The following PALLD variants were observed in gnomAD, a reference collection of about 807,000 sequenced individuals.
The protein encoded by PALLD is palladin.
In PALLD, 61 loss-of-function variants were observed where a neutral mutation model predicts 123.5. The ratio of observed to expected loss-of-function variants is 0.49; its 90% CI spans 0.40 to 0.61. The LOEUF (loss-of-function observed/expected upper bound fraction) is 0.61, where lower values mean the gene tolerates loss of function less well. PALLD is among the 20% of genes least tolerant of loss of function. PALLD has a pLI of 0.00. For synonymous variants in PALLD, 465 were observed against 496.4 expected (o/e 0.94, Z 0.84); for missense variants, 1,273 against 1,377.0 (o/e 0.92, Z 1.20).
At chr4:168,715,651 CA>C (rs889779091) in intron 10 of PALLD, among the ~76,000 whole-genome samples, 18 of 152,016 alleles carry the variant, frequency 1.2e-4, no homozygotes, top group African/African-American at 4.1e-4. Context: ...TTATTCCTAC[CA>C]AAAAAACGGT....
intron 10 of PALLD, among the ~76,000 whole-genome samples, chr4:168,856,461 C>T (rs1174884506): frequency 6.6e-6 from 1 of 152,196 alleles, no homozygotes; most frequent in East Asian, 1.9e-4. Context: ...TACATTCCCA[C>T]CAACAATGTA....
chr4:168,668,309 C>T lies in PALLD; in HGVS notation c.1028C>T (p.Thr343Ile), dbSNP rs1200827421. Reference sequence around the variant, plus strand: ...TTTGAGGACGACACAGGTCGCTACACCTGTTTGGCTACGAATCCCAGCGGC... The same window carrying T: ...TTTGAGGACGACACAGGTCGCTACATCTGTTTGGCTACGAATCCCAGCGGC... ...EAFEDDTGRY[T>I]CLATNPSGSD... The change falls in exon 3 of 22, where the codon ACC (threonine) becomes ATC (isoleucine). Residue 343 changes from threonine (T) to isoleucine (I), a missense_variant. Physicochemically the swap from Thr to Ile is moderately conservative, Grantham distance 89 (BLOSUM62 -1). Coordinates refer to ENST00000505667, the MANE Select transcript of PALLD (RefSeq NM_001166108.2). 1 of 1,613,350 alleles carries T rather than the reference C, an allele frequency of 6.2e-7. No homozygotes were observed. The highest frequency in any genetic ancestry group is 8.5e-7 in the Non-Finnish European group (1 of 1,179,454).
intron 10 of PALLD, among the ~76,000 whole-genome samples, chr4:168,822,022 G>A (rs1742797527): frequency 6.6e-6 from 1 of 151,990 alleles, no homozygotes; most frequent in African/African-American, 2.4e-5. Flanking sequence ...TGGTGGGCTG[G>A]CCTGAGGCCT....
At chr4:168,704,146 T>G (rs1783988390) in intron 8 of PALLD, among the ~76,000 whole-genome samples, 1 of 151,550 alleles carries the variant, frequency 6.6e-6, no homozygotes, top group Admixed American at 6.6e-5. Context: ...GATTCCCTAT[T>G]TAATAAATGG....
intron 2 of PALLD, among the ~76,000 whole-genome samples, chr4:168,538,600 A>G (rs1342865758): frequency 6.6e-6 from 1 of 152,140 alleles, no homozygotes; most frequent in East Asian, 1.9e-4. Context: ...TCCAGAAGAG[A>G]CACAATTGTA....
chr4:168,750,476 G>T (rs1365670436), intron 10 of PALLD, among the ~76,000 whole-genome samples: 1 of 152,232 alleles, frequency 6.6e-6, no homozygotes, highest in East Asian at 1.9e-4. Context: ...AAGGCCAGGG[G>T]ATTCTACAAA....
At chr4:168,595,416 G>T (rs965349771) in intron 2 of PALLD, among the ~76,000 whole-genome samples, 1 of 152,062 alleles carries the variant, frequency 6.6e-6, no homozygotes, top group Non-Finnish European at 1.5e-5. Context: ...TGGGGCCCAG[G>T]GGTCTTCTTT....
chr4:168,786,680 TA>T (rs1157965233), intron 10 of PALLD, among the ~76,000 whole-genome samples: 1 of 152,202 alleles, frequency 6.6e-6, no homozygotes, highest in Non-Finnish European at 1.5e-5. Context: ...AAAAAATACA[TA>T]TATGTTTATG....
At chr4:168,813,726 CT>C (rs1405705760) in intron 10 of PALLD, among the ~76,000 whole-genome samples, 5 of 152,156 alleles carry the variant, frequency 3.3e-5, no homozygotes, top group African/African-American at 1.2e-4. Context: ...TCACCAGTAG[CT>C]GGGATTACAG....
At chr4:168,834,551 A>G (rs1744834603) in intron 10 of PALLD, among the ~76,000 whole-genome samples, 1 of 152,162 alleles carries the variant, frequency 6.6e-6, no homozygotes, top group Admixed American at 6.5e-5. Flanking sequence ...AGCCTGACCA[A>G]CGTGGTGAAA....
At chr4:168,670,739 CAAAAA>C (rs752284669) in intron 3 of PALLD, among the ~76,000 whole-genome samples, 3 of 45,062 alleles carry the variant, frequency 6.7e-5, no homozygotes, top group African/African-American at 3.9e-4. Context: ...GACTCCGTCT[CAAAAA>C]AACAAAAAAA....
intron 10 of PALLD, among the ~76,000 whole-genome samples, chr4:168,785,846 G>GATATATATATATCTATATATATAT (rs1736651306): frequency 1.2e-5 from 1 of 80,898 alleles, no homozygotes; most frequent in Non-Finnish European, 2.8e-5. Flanking sequence ...AAACTGTAGA[G>GATATATATATATCTATATATATAT]ATATATATAT....
In PALLD at chr4:168,875,420, C is replaced by T. The variant is rs548714697; in HGVS notation, c.1965-15502C>T. 6.6e-5 allele frequency among the ~76,000 whole-genome samples: 10 copies of T among 152,160 alleles called. 1 individual carries two copies. In the South Asian group the frequency reaches 2.1e-3, roughly 32 times the overall value. On this transcript the variant is annotated intron_variant, in intron 10 of 21. Transcript: ENST00000505667. ...TCACATCACAGTCCAGATATGAAAT[C>T]CATTTAACTCAAGTATTTAAAAGAT... is the stretch of plus-strand genomic sequence containing the variant.
chr4:168,865,314 G>A (rs980019892), intron 10 of PALLD, among the ~76,000 whole-genome samples: 4 of 152,212 alleles, frequency 2.6e-5, no homozygotes, highest in South Asian at 2.1e-4. Flanking sequence ...TTGCCAAAAC[G>A]CATTTTTGAG....
intron 10 of PALLD, among the ~76,000 whole-genome samples, chr4:168,723,013 A>G (rs1172731902): frequency 3.3e-5 from 5 of 152,222 alleles, no homozygotes; most frequent in African/African-American, 1.2e-4. Flanking sequence ...GGATTCTGAA[A>G]GTTTAAAAAA....
intron 14 of PALLD, 144 bp from the exon 15 acceptor site, chr4:168,903,613 A>G: frequency 1.5e-6 from 1 of 665,920 alleles, no homozygotes; most frequent in South Asian, 1.8e-5. Context: ...GTGAAAAATC[A>G]ATTCCTTAGT....
chr4:168,737,476 A>G (rs1203925149), intron 10 of PALLD, among the ~76,000 whole-genome samples: 1 of 152,128 alleles, frequency 6.6e-6, no homozygotes, highest in South Asian at 2.1e-4. Flanking sequence ...TATGTACAAC[A>G]TGCTCACTTA....
In PALLD at chr4:168,894,347, A is replaced by G. The variant is rs1229482496; in HGVS notation, c.2101-232A>G. 7.4e-6 allele frequency: 4 copies of G among 543,276 alleles called. No homozygotes were observed. In the African/African-American group the frequency reaches 7.6e-5, roughly 10 times the overall value. The allele number at this position is 543,276 out of a possible 1,614,324, so 33.7% of individuals were successfully genotyped here. A position where few individuals can be genotyped will look rare whatever the true frequency, so the allele number is the denominator to read the frequency against. The stretch of plus-strand genomic sequence containing the variant: ...CCTTGTCGCTTATTGCTCACTTTAA[A>G]TTTGTGCTGTACCAATTGGTGGCTC... On this transcript the variant is annotated intron_variant, in intron 11 of 21. Coordinates refer to ENST00000505667, the MANE Select transcript of PALLD (RefSeq NM_001166108.2).
chr4:168,922,054 A>G (rs1761623017), intron 18 of PALLD, among the ~76,000 whole-genome samples: 1 of 151,128 alleles, frequency 6.6e-6, no homozygotes, highest in African/African-American at 2.4e-5. Context: ...TCCAAGAACC[A>G]AAGAATTTGC....
Sources: gnomAD v4.1 joint callset for allele counts (sites outside exome capture counted in the v4.1 genomes callset) on GRCh38, gnomAD v4.1.1 for gene constraint, MANE v1.5 for transcripts, NCBI Gene and HGNC (gene_info 2026-07-23, HGNC 2026-07-21) for gene names.